TPM3: variants seen among roughly 807,000 people sequenced by gnomAD.
The protein encoded by TPM3 is tropomyosin 3.
In TPM3, 16 loss-of-function variants were observed where a neutral mutation model predicts 43.1. The ratio of observed to expected loss-of-function variants is 0.37; its 90% CI spans 0.25 to 0.56. The LOEUF is 0.56. Ranked by LOEUF, TPM3 falls within the 20% of genes least tolerant of loss-of-function variation. The probability of loss-of-function intolerance (pLI) is 0.77; values close to 1 mark genes in which losing one functional copy is unlikely to be tolerated. For missense variants in TPM3, 176 were observed against 337.2 expected (o/e 0.52, Z 3.74); for synonymous variants, 101 against 116.9 (o/e 0.86, Z 0.88).
chr1:154,160,375 T>C (rs1660222404), downstream of TPM3, among the ~76,000 whole-genome samples: 1 of 152,232 alleles, frequency 6.6e-6, no homozygotes, highest in East Asian at 1.9e-4. Context: ...GCTGAGGCTC[T>C]CCCCAGATTG....
chr1:154,189,008 T>G (rs907328220), intron 2 of TPM3, among the ~76,000 whole-genome samples: 1 of 151,434 alleles, frequency 6.6e-6, no homozygotes, highest in Non-Finnish European at 1.5e-5. Context: ...GGCAGCTGCC[T>G]GTAATCCCAG....
In TPM3 at chr1:154,166,174, TA is replaced by T. The variant is rs1271952054; in HGVS notation, c.*1762del. On this transcript the variant is annotated 3_prime_UTR_variant, in exon 10 of 10. Coordinates refer to ENST00000651641, the MANE Select transcript of TPM3 (RefSeq NM_152263.4). ...AAGGAAACGTGAATTTGATATGACT[TA>T]AAGTTTTAGATTAAGGAAAACTTCC... is the stretch of plus-strand genomic sequence containing the variant. The T allele has an allele frequency of 3.1e-5, 7 of 227,360 alleles. No homozygotes were observed. The East Asian group carries it at 4.4e-4, about 14-fold the overall frequency. The allele number at this position is 227,360 out of a possible 1,614,324, so 14.1% of individuals were successfully genotyped here.
rs991174571 is a variant in TPM3 at position 154,161,855 on chromosome 1, CAG to C, written c.*6080_*6081del. On this transcript the variant is annotated 3_prime_UTR_variant, in exon 10 of 10. Coordinates refer to ENST00000651641, the MANE Select transcript of TPM3 (RefSeq NM_152263.4). ...TATTGCCTGACTAAATCACAGAACA[CAG>C]AGTTTCCTAGGAATTGCATGAGGTC... Among the ~76,000 whole-genome samples, 7 of 152,208 alleles carry C rather than the reference CAG, an allele frequency of 4.6e-5. No homozygotes were observed. The highest frequency in any genetic ancestry group is 2.1e-4 in the South Asian group (1 of 4,824).
chr1:154,183,113 C>G (rs1325442399), intron 2 of TPM3: 14 of 1,598,664 alleles, frequency 8.8e-6, no homozygotes, highest in Non-Finnish European at 1.2e-5. Flanking sequence ...GTGGTGATCC[C>G]AGCCATGGTG....
intron 6 of TPM3, 44 bp downstream of exon 6, chr1:154,171,369 G>A: frequency 2.5e-6 from 4 of 1,607,142 alleles, no homozygotes; most frequent in Non-Finnish European, 3.4e-6. Flanking sequence ...GGCAGGGCTG[G>A]GCCCAGGCCC....
In TPM3 at chr1:154,174,393, T is replaced by TAC. The variant is rs1213581806; in HGVS notation, c.378-1193_378-1192insGT. On this transcript the variant is annotated intron_variant, in intron 3 of 9. Coordinates refer to ENST00000651641, the MANE Select transcript of TPM3 (RefSeq NM_152263.4). ...GTATATATATATATATATATATATATATATATATATATATACACACAAAAA... is the reference window on the plus strand; with the variant it reads ...GTATATATATATATATATATATATATACATATATATATATATACACACAAAAA... Among the ~76,000 whole-genome samples, 192 of 106,856 alleles carry TAC rather than the reference T, an allele frequency of 1.8e-3. 3 individuals are homozygous for TAC. Among genetic ancestry groups the TAC allele is most frequent in the African/African-American group, 8.0e-3 (187 of 23,332 alleles). 70.1% of individuals were successfully genotyped at this position (106,856 alleles called of 152,430 possible).
chr1:154,179,349 T>C (rs1051097715), intron 2 of TPM3, among the ~76,000 whole-genome samples: 5 of 152,138 alleles, frequency 3.3e-5, no homozygotes, highest in Non-Finnish European at 5.9e-5. Flanking sequence ...TGTGTTCTAG[T>C]ACTGGGGAAA....
At chr1:154,175,164 T>G (rs1475262786) in intron 3 of TPM3, among the ~76,000 whole-genome samples, 2 of 151,842 alleles carry the variant, frequency 1.3e-5, no homozygotes, top group African/African-American at 4.8e-5. Flanking sequence ...ACCCTGTCTC[T>G]ACTAAAAATA....
At chr1:154,169,472 AG>A in intron 8 of TPM3, 89 bp from the exon 9 acceptor site, 1 of 1,377,446 alleles carries the variant, frequency 7.3e-7, no homozygotes, top group African/African-American at 1.4e-5. Context: ...ATTAGAAATT[AG>A]GAAAGTGTGA....
chr1:154,171,742 C>A (rs1283901217), intron 5 of TPM3: 1 of 622,980 alleles, frequency 1.6e-6, no homozygotes. Flanking sequence ...AATCCACTAC[C>A]AGGAACAAGT....
downstream of TPM3, chr1:154,156,059 T>TG (rs1222360464): frequency 1.7e-5 from 3 of 176,558 alleles, no homozygotes; most frequent in Admixed American, 6.3e-5. Context: ...GGTGAAGCCC[T>TG]GTCTCTACTT....
Position 154,180,503 on chromosome 1 carries a change from T to C in TPM3, c.244-4255A>G, listed in dbSNP as rs2148273593. Among the ~76,000 whole-genome samples, 3 of 152,270 alleles carry C rather than the reference T, an allele frequency of 2.0e-5. 1 individual carries two copies. Among genetic ancestry groups the C allele is most frequent in the African/African-American group, 7.2e-5 (3 of 41,538 alleles). On this transcript the variant is annotated intron_variant, in intron 2 of 9. Coordinates refer to ENST00000651641, the MANE Select transcript of TPM3 (RefSeq NM_152263.4). The stretch of plus-strand genomic sequence containing the variant: ...TCTTCAGGCTGGGGAGTAGAAGAAA[T>C]GATTTCATCAATATTTAACTATAAC...
At position 154,170,671 on chromosome 1, in the gene TPM3, A is replaced by G; in HGVS notation, c.683T>C (p.Ile228Thr). The change falls in exon 7 of 10, where the codon ATT (isoleucine) becomes ACT (threonine). Residue 228 changes from isoleucine (I) to threonine (T), a missense_variant. Ile to Thr is a moderately conservative substitution (Grantham distance 89). Around this residue, in one of 4 missense-constraint regions of TPM3, gnomAD observed 53 missense variants for 98.3 expected, o/e 0.54. Coordinates refer to ENST00000651641, the MANE Select transcript of TPM3 (RefSeq NM_152263.4). ...CACCTCCTTGAGTTTATCAGTAAGA[A>G]TCTTGATTTCTTCCTCATATTTATC... Reference protein sequence around the residue: ...KEDKYEEEIKILTDKLKEAET... With the variant: ...KEDKYEEEIKTLTDKLKEAET... 6.2e-7 allele frequency: 1 copy of G among 1,613,030 alleles called. No homozygotes were observed. The highest frequency in any genetic ancestry group is 1.1e-5 in the South Asian group (1 of 91,064).
chr1:154,173,615 G>C (rs1273920332), intron 3 of TPM3, among the ~76,000 whole-genome samples: 1 of 149,368 alleles, frequency 6.7e-6, no homozygotes, highest in Non-Finnish European at 1.5e-5. Flanking sequence ...GGTGAGCCGA[G>C]ATCGAGCCAT....
chr1:154,176,355 C>T (rs183456882), intron 2 of TPM3, 107 bp from the exon 3 acceptor site: 84 of 1,523,914 alleles, frequency 5.5e-5, no homozygotes, highest in Non-Finnish European at 6.8e-5. Flanking sequence ...GCCAGAGTCT[C>T]GCAGGGTAGA....
chr1:154,172,250 T>C (rs1258859903), intron 5 of TPM3: 5 of 823,166 alleles, frequency 6.1e-6, no homozygotes, highest in Non-Finnish European at 6.5e-6. Flanking sequence ...TCATGATATG[T>C]TATGTCTGGC....
chr1:154,155,702 C>T (rs1659730703), downstream of TPM3: 1 of 228,772 alleles, frequency 4.4e-6, no homozygotes, highest in South Asian at 1.8e-4. Flanking sequence ...TTGGTTAAAA[C>T]CACGCATTTA....
intron 9 of TPM3, 108 bp downstream of exon 9, chr1:154,169,197 G>T (rs2148226650): frequency 8.8e-7 from 1 of 1,137,488 alleles, no homozygotes; most frequent in Non-Finnish European, 1.3e-6. Context: ...TAAGGGTGGA[G>T]ATTCTAGTTT....
chr1:154,170,490 G>A, intron 7 of TPM3, 21 bp from the exon 8 acceptor site: 1 of 1,613,868 alleles, frequency 6.2e-7, no homozygotes, highest in Non-Finnish European at 8.5e-7. Flanking sequence ...TATGAAATTA[G>A]TCAGAACCAG....
Sources: gnomAD v4.1 joint callset for allele counts (sites outside exome capture counted in the v4.1 genomes callset) on GRCh38, gnomAD v4.1.1 for gene constraint, gnomAD v4.1.1 regional missense constraint, MANE v1.5 for transcripts, NCBI Gene and HGNC (gene_info 2026-07-23, HGNC 2026-07-21) for gene names.